The following FSD1L variants were observed in gnomAD, a reference collection of about 807,000 sequenced individuals.
The protein encoded by FSD1L is fibronectin type III and SPRY domain containing 1 like, also known as FSD1-like protein.
FSD1L carries 45 observed loss-of-function variants against 71.6 expected under a neutral mutation model. The ratio of observed to expected loss-of-function variants is 0.63; its 90% CI spans 0.49 to 0.81. The LOEUF (loss-of-function observed/expected upper bound fraction) is 0.81, where lower values mean the gene tolerates loss of function less well. FSD1L is among the 30% of genes least tolerant of loss of function. FSD1L has a pLI of 0.00. For missense variants in FSD1L, 561 were observed against 618.1 expected, an observed-to-expected ratio of 0.91 and a Z score of 0.98; for synonymous variants, 197 against 207.2, an observed-to-expected ratio of 0.95 and a Z score of 0.42.
At chr9:105,528,165 T>G (rs1485617888) in intron 10 of FSD1L, among the ~76,000 whole-genome samples, 1 of 152,106 alleles carries the variant, frequency 6.6e-6, no homozygotes, top group East Asian at 1.9e-4. Context: ...GGAAAAACAT[T>G]CCATGCTCAT....
At chr9:105,463,077 G>A (rs902845724) in intron 2 of FSD1L, among the ~76,000 whole-genome samples, 8 of 151,446 alleles carry the variant, frequency 5.3e-5, no homozygotes, top group African/African-American at 1.7e-4. Context: ...GGTGGAGGTT[G>A]CAGTGAGCCG....
At chr9:105,529,848 C>G (rs1330586682) in intron 10 of FSD1L, among the ~76,000 whole-genome samples, 2 of 151,910 alleles carry the variant, frequency 1.3e-5, no homozygotes, top group Admixed American at 1.3e-4. Context: ...GTTATTTAAC[C>G]TGTTAGAATT....
intron 7 of FSD1L, 142 bp downstream of exon 7, chr9:105,484,644 G>T: frequency 8.0e-6 from 4 of 499,862 alleles, no homozygotes; most frequent in Non-Finnish European, 1.3e-5. Flanking sequence ...AATTAAATTT[G>T]CTAGTTTTTT....
Position 105,535,281 on chromosome 9 carries a change from TC to T in FSD1L, c.1343del (p.Pro448LeufsTer4). The stretch of plus-strand genomic sequence containing the variant: ...AAGTCAAAGCTTTGGATGTTACTGT[TC>T]CTGAAAAAATAGGTGTATTTTGTGA... ...NKVKALDVTV[P>X]EKIGVFCDFD... On this transcript the variant is annotated frameshift_variant, in exon 12 of 14. Transcript: ENST00000481272. LOFTEE classifies it high-confidence loss of function. 1.3e-6 allele frequency: 2 copies of T among 1,551,634 alleles called. No individual in the cohort carries two copies. Among genetic ancestry groups the T allele is most frequent in the Non-Finnish European group, 1.7e-6 (2 of 1,146,928 alleles).
rs1361276144 is a variant in FSD1L, at chr9:105,485,889, C to T, written c.586+1387C>T. On this transcript the variant is annotated intron_variant, in intron 7 of 13. Coordinates refer to ENST00000481272, the MANE Select transcript of FSD1L (RefSeq NM_001145313.3). ...CGATCTCCTGACCTCGTGATCCGCC[C>T]GCCTCGGCCTCCCAAAGTGCTGGGA... Among the ~76,000 whole-genome samples, 30 of 151,826 alleles carry T rather than the reference C, an allele frequency of 2.0e-4. No homozygotes were observed. The East Asian group carries it at 4.3e-3, about 22-fold the overall frequency.
intron 1 of FSD1L, among the ~76,000 whole-genome samples, chr9:105,454,703 T>C (rs1830258834): frequency 6.6e-6 from 1 of 152,196 alleles, no homozygotes; most frequent in Admixed American, 6.5e-5. Flanking sequence ...CTTTATCCTC[T>C]GGTGTGCTTT....
At chr9:105,534,634 A>G (rs7037104) in intron 11 of FSD1L, 41 bp downstream of exon 11, 137,755 of 1,166,636 alleles carry the variant, frequency 0.12, 11,219 homozygotes, top group East Asian at 0.47. Flanking sequence ...CTCAGATTAA[A>G]GGCATCACAA....
chr9:105,515,791 T>G (rs1267331630), intron 10 of FSD1L, among the ~76,000 whole-genome samples: 1 of 151,578 alleles, frequency 6.6e-6, no homozygotes, highest in Non-Finnish European at 1.5e-5. Context: ...GCAGAAGGTT[T>G]TTTTTTTTTT....
At position 105,498,182 on chromosome 9, in the gene FSD1L, G is replaced by C. The variant is rs547901684; in HGVS notation, c.587-8217G>C. 2.0e-4 allele frequency among the ~76,000 whole-genome samples: 22 copies of C among 112,026 alleles called. No individual in the cohort carries two copies. In the South Asian group the frequency reaches 5.9e-3, roughly 30 times the overall value. The allele number at this position is 112,026 out of a possible 152,430, so 73.5% of individuals were successfully genotyped here. On this transcript the variant is annotated intron_variant, in intron 7 of 13. Coordinates refer to ENST00000481272, the MANE Select transcript of FSD1L (RefSeq NM_001145313.3). ...AATTTTCATTATTTCTTTTCTGCTT[G>C]CTTTGGCTTTATTATTATTATTATT...
intron 13 of FSD1L, among the ~76,000 whole-genome samples, chr9:105,541,631 T>C (rs567625684): frequency 6.6e-6 from 1 of 152,322 alleles, no homozygotes; most frequent in South Asian, 2.1e-4. Flanking sequence ...TTAAATGTTT[T>C]GTGTACAAGA....
intron 10 of FSD1L, among the ~76,000 whole-genome samples, chr9:105,518,459 G>T (rs1323349502): frequency 6.6e-6 from 1 of 152,170 alleles, no homozygotes. Context: ...ATAACAGTCA[G>T]TCTCTCAGAC....
At chr9:105,474,779 A>G (rs76076138) in intron 5 of FSD1L, among the ~76,000 whole-genome samples, 6,344 of 152,344 alleles carry the variant, frequency 0.042, 455 homozygotes, top group African/African-American at 0.14. Context: ...TTCAAAAAGA[A>G]TATTTCAAGT....
intron 7 of FSD1L, among the ~76,000 whole-genome samples, chr9:105,496,396 A>G (rs1395524388): frequency 6.6e-6 from 1 of 152,066 alleles, no homozygotes; most frequent in Non-Finnish European, 1.5e-5. Context: ...CTTTCCATAT[A>G]AACTTTAGAG....
chr9:105,490,065 C>G (rs922541213), intron 7 of FSD1L, among the ~76,000 whole-genome samples: 4 of 152,182 alleles, frequency 2.6e-5, no homozygotes, highest in African/African-American at 7.2e-5. Flanking sequence ...TTCTAGATCC[C>G]TGAGGAATCA....
At chr9:105,532,477 G>A (rs959927889) in intron 10 of FSD1L, among the ~76,000 whole-genome samples, 1 of 151,928 alleles carries the variant, frequency 6.6e-6, no homozygotes, top group African/African-American at 2.4e-5. Context: ...ATATATTTTT[G>A]GTATTCAGAA....
intron 7 of FSD1L, among the ~76,000 whole-genome samples, chr9:105,501,251 T>A (rs1833741519): frequency 6.6e-6 from 1 of 152,084 alleles, no homozygotes; most frequent in Admixed American, 6.6e-5. Context: ...TATCATAGGA[T>A]CCCTCCAGAG....
At chr9:105,519,767 C>T (rs1355955621) in intron 10 of FSD1L, among the ~76,000 whole-genome samples, 12 of 152,204 alleles carry the variant, frequency 7.9e-5, no homozygotes, top group Non-Finnish European at 1.6e-4. Context: ...CTGCTGCCTC[C>T]GAGAGCTCCA....
Position 105,474,889 on chromosome 9 carries a change from C to T in FSD1L, c.441+2884C>T, listed in dbSNP as rs576783747. ...TTTACTTTCTGAAAGTAAACAAATA[C>T]AAATAGCACAAATGCAAAAAGATTT... is the stretch of plus-strand genomic sequence containing the variant. On this transcript the variant is annotated intron_variant, in intron 5 of 13. Transcript: ENST00000481272. 4.6e-5 allele frequency among the ~76,000 whole-genome samples: 7 copies of T among 152,270 alleles called. No homozygotes were observed. The South Asian group carries it at 1.5e-3, about 32-fold the overall frequency.
chr9:105,550,707 T>C lies in FSD1L; in HGVS notation c.*4224T>C, dbSNP rs1837228711. 1 of 152,110 alleles carries C rather than the reference T, an allele frequency of 6.6e-6. No individual in the cohort carries two copies. The highest frequency in any genetic ancestry group is 6.6e-5 in the Admixed American group (1 of 15,254). 9.4% of individuals were successfully genotyped at this position (152,110 alleles called of 1,614,324 possible). A position where few individuals can be genotyped will look rare whatever the true frequency, so the allele number is the denominator to read the frequency against. On this transcript the variant is annotated 3_prime_UTR_variant, in exon 14 of 14. Transcript: ENST00000481272. Reference sequence around the variant, plus strand: ...TCTTCATTGAAAAGATATTGTTGGATATGCCACATCAGAGTTAGCATTGAC... The same window carrying C: ...TCTTCATTGAAAAGATATTGTTGGACATGCCACATCAGAGTTAGCATTGAC...
Sources: allele counts gnomAD v4.1 joint callset (sites outside exome capture counted in the v4.1 genomes callset), GRCh38; gene constraint gnomAD v4.1.1; transcripts MANE v1.5; gene names NCBI Gene and HGNC (gene_info 2026-07-23, HGNC 2026-07-21).